LEKR1: variants seen among roughly 807,000 people sequenced by gnomAD.
LEKR1 encodes leucine, glutamate and lysine rich 1.
Under a neutral mutation model 72.4 loss-of-function variants are expected in LEKR1, and 59 were observed. The observed-to-expected ratio is 0.82, with a 90% CI of 0.66 to 1.01. The LOEUF (loss-of-function observed/expected upper bound fraction) is 1.01. Ranked by LOEUF, LEKR1 falls within the 50% of genes least tolerant of loss-of-function variation. LEKR1 has a pLI of 0.00. For synonymous variants in LEKR1, 257 were observed against 263.2 expected (o/e 0.98, Z 0.23); for missense variants, 728 against 759.2 (o/e 0.96, Z 0.48).
intron 6 of LEKR1, among the ~76,000 whole-genome samples, chr3:156,946,762 A>T (rs910757208): frequency 4.0e-5 from 6 of 151,348 alleles, no homozygotes; most frequent in African/African-American, 1.2e-4. Context: ...ATGTTGGACC[A>T]TCCTTGCTTC....
chr3:156,841,901 C>T (rs1266838731), intron 2 of LEKR1, among the ~76,000 whole-genome samples: 1 of 152,096 alleles, frequency 6.6e-6, no homozygotes, highest in East Asian at 1.9e-4. Context: ...TGACTAGTAC[C>T]ACTCACACAG....
At chr3:156,996,556 T>A (rs766219875) in intron 9 of LEKR1, among the ~76,000 whole-genome samples, 16 of 152,208 alleles carry the variant, frequency 1.1e-4, no homozygotes, top group Non-Finnish European at 2.1e-4. Context: ...AAAATCATTC[T>A]GGATGCTGGA....
rs150889100 is a variant in LEKR1, at chr3:156,888,670, G to A, written c.264-31905G>A. ...GTCTTCTCTTTCTCTAACCTTTTGC[G>A]TTTAGCCTGTCTTTATTTTTCAAGT... On this transcript the variant is annotated intron_variant, in intron 3 of 12. Transcript: ENST00000356539. Among the ~76,000 whole-genome samples, 656 of 152,128 alleles carry A rather than the reference G, an allele frequency of 4.3e-3. 8 individuals are homozygous for A. The highest frequency in any genetic ancestry group is 0.015 in the African/African-American group (629 of 41,524).
chr3:156,826,373 C>G lies in LEKR1; in HGVS notation c.-48C>G, dbSNP rs1376459285. 1 of 152,846 alleles carries G rather than the reference C, an allele frequency of 6.5e-6. No homozygotes were observed. Among genetic ancestry groups the G allele is most frequent in the Non-Finnish European group, 1.5e-5 (1 of 68,180 alleles). 9.5% of individuals were successfully genotyped at this position (152,846 alleles called of 1,614,324 possible). On this transcript the variant is annotated 5_prime_UTR_variant, in exon 1 of 13. Coordinates refer to ENST00000356539, the MANE Select transcript of LEKR1 (RefSeq NM_001004316.3). ...GTTTCACACCCGTCCTAGTCGAAGT[C>G]GAGGTGAGGGACGATGGCTTTCCTC...
At chr3:156,914,027 TTTAC>T (rs1723356767) in intron 3 of LEKR1, among the ~76,000 whole-genome samples, 1 of 152,204 alleles carries the variant, frequency 6.6e-6, no homozygotes, top group South Asian at 2.1e-4. Context: ...CTATTTTATC[TTTAC>T]TTACTTCACT....
intron 12 of LEKR1, among the ~76,000 whole-genome samples, chr3:157,029,825 G>T (rs935508357): frequency 6.6e-6 from 1 of 152,080 alleles, no homozygotes; most frequent in Non-Finnish European, 1.5e-5. Flanking sequence ...AAAGATTGAG[G>T]CAACTAGACT....
At chr3:156,899,502 A>T (rs942008496) in intron 3 of LEKR1, among the ~76,000 whole-genome samples, 2 of 119,600 alleles carry the variant, frequency 1.7e-5, no homozygotes, top group Non-Finnish European at 1.6e-5. Flanking sequence ...ACACATATAT[A>T]CATGTATATA....
chr3:156,902,385 T>C (rs895515546), intron 3 of LEKR1, among the ~76,000 whole-genome samples: 3 of 152,186 alleles, frequency 2.0e-5, no homozygotes, highest in Non-Finnish European at 4.4e-5. Flanking sequence ...AATTATTTTT[T>C]AAAGTATATT....
At position 156,868,810 on chromosome 3, in the gene LEKR1, T is replaced by C. The variant is rs552197165; in HGVS notation, c.263+15828T>C. Among the ~76,000 whole-genome samples the C allele has an allele frequency of 5.3e-5, 8 of 152,124 alleles. No homozygotes were observed. In the South Asian group the frequency reaches 1.7e-3, roughly 32 times the overall value. On this transcript the variant is annotated intron_variant, in intron 3 of 12. Coordinates refer to ENST00000356539, the MANE Select transcript of LEKR1 (RefSeq NM_001004316.3). ...ATACCTTCTATCTAATGTATGTTTG[T>C]ACCCATTTACCAGCCTCTTTTCATT...
At chr3:156,846,704 A>G (rs149649610) in intron 2 of LEKR1, among the ~76,000 whole-genome samples, 1 of 152,190 alleles carries the variant, frequency 6.6e-6, no homozygotes, top group East Asian at 1.9e-4. Context: ...TTAGTATTTC[A>G]TACTGCTATC....
At chr3:156,994,945 T>A (rs917261669) in intron 9 of LEKR1, among the ~76,000 whole-genome samples, 3 of 152,236 alleles carry the variant, frequency 2.0e-5, no homozygotes, top group Non-Finnish European at 4.4e-5. Context: ...TTTCTGGAAC[T>A]CTTCTCCAAG....
intron 2 of LEKR1, among the ~76,000 whole-genome samples, chr3:156,830,948 G>A (rs1712298852): frequency 1.3e-5 from 2 of 152,144 alleles, no homozygotes; most frequent in African/African-American, 2.4e-5. Flanking sequence ...GGGGTTTTTG[G>A]TTTCTTTTTT....
chr3:157,021,127 T>C (rs1275864700), intron 10 of LEKR1, among the ~76,000 whole-genome samples: 6 of 152,040 alleles, frequency 3.9e-5, no homozygotes, highest in Non-Finnish European at 7.4e-5. Context: ...GATGGGGTTG[T>C]TTGTTTTTTT....
Position 156,992,675 on chromosome 3 carries a change from G to A in LEKR1, c.850G>A (p.Asp284Asn). 1 of 983,512 alleles carries A rather than the reference G, an allele frequency of 1.0e-6. No individual in the cohort carries two copies. Among genetic ancestry groups the A allele is most frequent in the South Asian group, 2.1e-5 (1 of 47,070 alleles). The allele number at this position is 983,512 out of a possible 1,614,324, so 60.9% of individuals were successfully genotyped here. The stretch of plus-strand genomic sequence containing the variant: ...TAGGAATAAATCTAATGAAGCTGAT[G>A]ACTGTCAAAGAGAACTTAAAAAACT... ...MLMNKSNEAD[D>N]CQRELKKLKF... Residue 284 changes from aspartate to asparagine, a missense_variant, in exon 8 of 13, where the codon GAC becomes AAC. Transcript: ENST00000356539.
At chr3:156,982,898 G>T (rs867843201) in intron 7 of LEKR1, among the ~76,000 whole-genome samples, 18 of 144,270 alleles carry the variant, frequency 1.2e-4, no homozygotes, top group African/African-American at 4.4e-4. Flanking sequence ...TAGATAGATA[G>T]ATAGATAGAT....
chr3:156,889,419 T>C lies in LEKR1; in HGVS notation c.264-31156T>C, dbSNP rs558420305. ...AGAAGGAGATGAAAATAATTTGCTG[T>C]GGGTGCTAGAATATTAAGTGGTCTG... On this transcript the variant is annotated intron_variant, in intron 3 of 12. Coordinates refer to ENST00000356539, the MANE Select transcript of LEKR1 (RefSeq NM_001004316.3). 9.9e-5 allele frequency among the ~76,000 whole-genome samples: 15 copies of C among 152,250 alleles called. 1 individual carries two copies. In the South Asian group the frequency reaches 3.1e-3, roughly 32 times the overall value.
intron 6 of LEKR1, among the ~76,000 whole-genome samples, chr3:156,962,014 G>T (rs973089778): frequency 1.3e-5 from 2 of 152,146 alleles, no homozygotes; most frequent in Non-Finnish European, 2.9e-5. Flanking sequence ...TTGCCCAAAG[G>T]TGTATTCACC....
chr3:156,925,811 C>T (rs1415893740), intron 4 of LEKR1, among the ~76,000 whole-genome samples: 5 of 151,976 alleles, frequency 3.3e-5, no homozygotes, highest in Non-Finnish European at 5.9e-5. Context: ...GGAGTAGTCA[C>T]AGGCATTTGG....
At chr3:156,974,210 T>C in intron 6 of LEKR1, among the ~76,000 whole-genome samples, 1 of 152,126 alleles carries the variant, frequency 6.6e-6, no homozygotes, top group East Asian at 1.9e-4. Context: ...GTGAATCATA[T>C]CTACATGTAG....
Sources: allele counts gnomAD v4.1 joint callset (sites outside exome capture counted in the v4.1 genomes callset), GRCh38; gene constraint gnomAD v4.1.1; transcripts MANE v1.5; gene names NCBI Gene and HGNC (gene_info 2026-07-23, HGNC 2026-07-21).